ZNF727: variants seen among roughly 807,000 people sequenced by gnomAD.
The protein encoded by ZNF727 is putative zinc finger protein 727.
In ZNF727, 11 loss-of-function variants were observed where a neutral mutation model predicts 11.5. The ratio of observed to expected loss-of-function variants is 0.95; its 90% CI spans 0.60 to 1.58. ZNF727 has a LOEUF of 1.58. ZNF727 is among the 40% of genes most tolerant of loss of function. ZNF727 has a pLI of 0.00. For missense variants in ZNF727, 533 were observed against 581.7 expected, an observed-to-expected ratio of 0.92 and a Z score of 0.86; for synonymous variants, 171 against 196.1, an observed-to-expected ratio of 0.87 and a Z score of 1.07.
chr7:64,045,744 G>C (rs1789491690), intron 1 of ZNF727, 120 bp downstream of exon 1: 1 of 1,330,668 alleles, frequency 7.5e-7, no homozygotes, highest in African/African-American at 1.5e-5. Context: ...AGTCCCCGTG[G>C]GCACAGTTCA....
At chr7:64,051,816 G>C (rs1353184016) in intron 1 of ZNF727, among the ~76,000 whole-genome samples, 1 of 152,158 alleles carries the variant, frequency 6.6e-6, no homozygotes, top group Non-Finnish European at 1.5e-5. Flanking sequence ...AATTTAGCCA[G>C]GCAAAACAGA....
chr7:64,077,126 T>A, intron 3 of ZNF727, 150 bp from the exon 4 acceptor site: 1 of 800,010 alleles, frequency 1.2e-6, no homozygotes, highest in Non-Finnish European at 1.9e-6. Flanking sequence ...AGTATATTTC[T>A]GTTAAGCTTA....
At chr7:64,072,887 T>G (rs1037513813) in intron 3 of ZNF727, among the ~76,000 whole-genome samples, 6 of 151,978 alleles carry the variant, frequency 3.9e-5, no homozygotes, top group Admixed American at 2.6e-4. Context: ...TCTTCTTTGA[T>G]AAGGGGTCTC....
At position 64,078,283 on chromosome 7, in the gene ZNF727, A is replaced by C. The variant is rs771015568; in HGVS notation, c.1234A>C (p.Ile412Leu). 6.3e-7 allele frequency: 1 copy of C among 1,592,612 alleles called. No individual in the cohort carries two copies. Among genetic ancestry groups the C allele is most frequent in the African/African-American group, 1.3e-5 (1 of 74,086 alleles). ...AAGCTTTACCTGCTCCTCAAACCTTATTAAACACAAGAGAATTCATATGGA... is the reference window on the plus strand; with the variant it reads ...AAGCTTTACCTGCTCCTCAAACCTTCTTAAACACAAGAGAATTCATATGGA... ...GKSFTCSSNL[I>L]KHKRIHMEVR... The change falls in exon 4 of 4, where the codon ATT becomes CTT. Residue 412 changes from isoleucine (I) to leucine (L), a missense_variant. This residue lies in a region of ZNF727 where 463 missense variants were observed against 494.5 expected (regional missense o/e 0.94). Transcript: ENST00000456806.
chr7:64,051,930 C>G (rs1789604714), intron 1 of ZNF727, among the ~76,000 whole-genome samples: 1 of 152,110 alleles, frequency 6.6e-6, no homozygotes, highest in Non-Finnish European at 1.5e-5. Context: ...TTTGTCATTG[C>G]ATTTTGGGGT....
chr7:64,077,100 C>G (rs1449992883), intron 3 of ZNF727, among the ~76,000 whole-genome samples, 176 bp from the exon 4 acceptor site: 1 of 152,190 alleles, frequency 6.6e-6, no homozygotes, highest in South Asian at 2.1e-4. Context: ...ACACTTCTCA[C>G]AAAGGCATTT....
At position 64,045,503 on chromosome 7, in the gene ZNF727, A is replaced by G; in HGVS notation, c.-119A>G. On this transcript the variant is annotated 5_prime_UTR_variant, in exon 1 of 4. Coordinates refer to ENST00000456806, the MANE Select transcript of ZNF727 (RefSeq NM_001159522.3). ...TCTGAGTCCAGTACCCGTCTGTACT[A>G]TTCCATCTCTTCCGCTCCATTAGCT... 1 of 1,376,358 alleles carries G rather than the reference A, an allele frequency of 7.3e-7. No homozygotes were observed. Among genetic ancestry groups the G allele is most frequent in the Non-Finnish European group, 1.0e-6 (1 of 987,968 alleles). 85.3% of individuals were successfully genotyped at this position (1,376,358 alleles called of 1,614,324 possible). A position where few individuals can be genotyped will look rare whatever the true frequency, so the allele number is the denominator to read the frequency against.
chr7:64,075,017 T>C (rs1266575062), intron 3 of ZNF727, among the ~76,000 whole-genome samples: 1 of 152,116 alleles, frequency 6.6e-6, no homozygotes, highest in Non-Finnish European at 1.5e-5. Context: ...TCTGAGCTAA[T>C]GTACTCAAAT....
intron 1 of ZNF727, among the ~76,000 whole-genome samples, chr7:64,064,322 G>A (rs1263146869): frequency 1.3e-5 from 2 of 152,156 alleles, no homozygotes; most frequent in East Asian, 1.9e-4. Context: ...AATCCTGCCA[G>A]AACTGGTACC....
chr7:64,078,312 G>A lies in ZNF727; in HGVS notation c.1263G>A (p.Val421=), dbSNP rs1169424152. 3.8e-6 allele frequency: 6 copies of A among 1,579,808 alleles called. No homozygotes were observed. In the African/African-American group the frequency reaches 8.2e-5, roughly 22 times the overall value. The change falls in exon 4 of 4, where the codon GTG becomes GTA. Residue 421 remains valine (V), a synonymous_variant. Coordinates refer to ENST00000456806, the MANE Select transcript of ZNF727 (RefSeq NM_001159522.3). ...LIKHKRIHME[V]RPYKCEECGK... is the part of the protein sequence containing the mutation. ...AACACAAGAGAATTCATATGGAAGTGAGACCTTACAAATGTGAAGAATGTG... is the reference window on the plus strand; with the variant it reads ...AACACAAGAGAATTCATATGGAAGTAAGACCTTACAAATGTGAAGAATGTG...
intron 3 of ZNF727, among the ~76,000 whole-genome samples, chr7:64,072,890 G>C (rs1267703810): frequency 1.3e-5 from 2 of 151,888 alleles, no homozygotes; most frequent in African/African-American, 4.8e-5. Context: ...TCTTTGATAA[G>C]GGGTCTCACC....
intron 3 of ZNF727, among the ~76,000 whole-genome samples, chr7:64,073,179 G>A (rs1356858858): frequency 6.7e-6 from 1 of 148,528 alleles, no homozygotes; most frequent in Non-Finnish European, 1.5e-5. Context: ...CCCTTTTTTT[G>A]TTTAAATAAC....
At chr7:64,045,847 C>T (rs2116256442) in intron 1 of ZNF727, among the ~76,000 whole-genome samples, 1 of 152,216 alleles carries the variant, frequency 6.6e-6, no homozygotes, top group African/African-American at 2.4e-5. Flanking sequence ...TTCTTTCCAG[C>T]CCAGAGACTT....
In ZNF727 at chr7:64,079,275, C is replaced by A. The variant is rs1044882204; in HGVS notation, c.*726C>A. ...AAATGTGGAAAAGCCTTTAACAATT[C>A]GTCATATTGTGTTCAACATCAGAGA... On this transcript the variant is annotated 3_prime_UTR_variant, in exon 4 of 4. Coordinates refer to ENST00000456806, the MANE Select transcript of ZNF727 (RefSeq NM_001159522.3). 1.3e-5 allele frequency among the ~76,000 whole-genome samples: 2 copies of A among 152,104 alleles called. No homozygotes were observed. Among genetic ancestry groups the A allele is most frequent in the South Asian group, 2.1e-4 (1 of 4,826 alleles).
intron 1 of ZNF727, among the ~76,000 whole-genome samples, chr7:64,046,434 T>A (rs7779829): frequency 0.64 from 97,373 of 152,104 alleles, 31,901 homozygotes; most frequent in Non-Finnish European, 0.71. Flanking sequence ...GTGGAAAGTG[T>A]TTGGATTATG....
At chr7:64,076,499 G>A (rs111803558) in intron 3 of ZNF727, among the ~76,000 whole-genome samples, 9 of 152,100 alleles carry the variant, frequency 5.9e-5, no homozygotes, top group South Asian at 2.1e-4. Context: ...TAGCTACTCC[G>A]GAGGCTGAGG....
intron 1 of ZNF727, 133 bp from the exon 2 acceptor site, chr7:64,068,758 G>C: frequency 2.8e-6 from 3 of 1,072,314 alleles, no homozygotes; most frequent in Non-Finnish European, 4.0e-6. Flanking sequence ...ATATTTCTGT[G>C]CTAGAAAGTA....
chr7:64,074,477 A>G (rs979442328), intron 3 of ZNF727, among the ~76,000 whole-genome samples: 1 of 152,118 alleles, frequency 6.6e-6, no homozygotes, highest in African/African-American at 2.4e-5. Flanking sequence ...GGAGACCACT[A>G]TGTTAAGCTG....
chr7:64,080,886 GTTTTTGT>G lies in ZNF727; in HGVS notation c.*2343_*2349del, dbSNP rs1562800104. Among the ~76,000 whole-genome samples, 8 of 147,750 alleles carry G rather than the reference GTTTTTGT, an allele frequency of 5.4e-5. No homozygotes were observed. The highest frequency in any genetic ancestry group is 1.3e-4 in the African/African-American group (5 of 39,800). On this transcript the variant is annotated 3_prime_UTR_variant, in exon 4 of 4. Transcript: ENST00000456806. ...GGGAGTTTTTTGTTTTTTGTTTTTT[GTTTTTGT>G]TTTTTTTTTTGTGGTGGTGGAGGGG...
Sources: allele counts gnomAD v4.1 joint callset (sites outside exome capture counted in the v4.1 genomes callset), GRCh38; gene constraint gnomAD v4.1.1; regional missense constraint gnomAD v4.1.1; transcripts MANE v1.5; gene names NCBI Gene and HGNC (gene_info 2026-07-23, HGNC 2026-07-21).